Variants in SAMD3 observed in about 807,000 individuals in gnomAD.
The protein encoded by SAMD3 is sterile alpha motif domain-containing protein 3.
In SAMD3, 63 loss-of-function variants were observed where a neutral mutation model predicts 58.5. The observed-to-expected ratio is 1.08, with a 90% CI of 0.88 to 1.33. The LOEUF (loss-of-function observed/expected upper bound fraction) is 1.33. Among genes scored for constraint, SAMD3 ranks in the 40% most tolerant of loss-of-function variants. The pLI is 0.00. For synonymous variants in SAMD3, 220 were observed against 210.3 expected (o/e 1.05, Z -0.40); for missense variants, 604 against 608.4 (o/e 0.99, Z 0.08).
intron 5 of SAMD3, among the ~76,000 whole-genome samples, chr6:130,208,739 A>G (rs1795284975): frequency 6.6e-6 from 1 of 152,044 alleles, no homozygotes; most frequent in African/African-American, 2.4e-5. Context: ...TTATTTTATT[A>G]TATATTAGAA....
intron 2 of SAMD3, among the ~76,000 whole-genome samples, chr6:130,245,747 G>A (rs1387819028): frequency 6.6e-6 from 1 of 152,082 alleles, no homozygotes; most frequent in Non-Finnish European, 1.5e-5. Flanking sequence ...AACAGGGTAG[G>A]GCAAGAATTC....
At chr6:130,229,602 C>G (rs1244801656) in intron 2 of SAMD3, among the ~76,000 whole-genome samples, 1 of 152,102 alleles carries the variant, frequency 6.6e-6, no homozygotes, top group African/African-American at 2.4e-5. Context: ...AAACTGGAGG[C>G]GACTAAACAT....
At chr6:130,201,796 T>G (rs2114789681) in intron 5 of SAMD3, among the ~76,000 whole-genome samples, 2 of 152,358 alleles carry the variant, frequency 1.3e-5, no homozygotes, top group Middle Eastern at 6.8e-3. Context: ...GATAAACCTC[T>G]AATCATCTTT....
At chr6:130,262,307 A>G (rs1431829837) in intron 2 of SAMD3, among the ~76,000 whole-genome samples, 2 of 148,120 alleles carry the variant, frequency 1.4e-5, no homozygotes, top group African/African-American at 5.0e-5. Context: ...GAAAAAAAGT[A>G]AGAAAAAAAA....
At position 130,154,996 on chromosome 6, in the gene SAMD3, T is replaced by C. The variant is rs1789650536; in HGVS notation, c.852A>G (p.Leu284=). The C allele has an allele frequency of 6.2e-7, 1 of 1,613,176 alleles. No homozygotes were observed. Among genetic ancestry groups the C allele is most frequent in the African/African-American group, 1.3e-5 (1 of 74,902 alleles). ...KEEAVCFDSE[L]DEHIKWFQQE... ...GCTGGAACCACTTAATATGTTCATCTAGCTCAGAATCAAAACAAACAGCTT... is the reference window on the plus strand; with the variant it reads ...GCTGGAACCACTTAATATGTTCATCCAGCTCAGAATCAAAACAAACAGCTT... Residue 284 remains leucine (L), a synonymous_variant, in exon 9 of 12, where the codon CTA becomes CTG. Transcript: ENST00000439090.
chr6:130,171,303 G>A (rs1481776828), intron 8 of SAMD3, among the ~76,000 whole-genome samples: 1 of 152,076 alleles, frequency 6.6e-6, no homozygotes, highest in Non-Finnish European at 1.5e-5. Context: ...TTGATTGTGG[G>A]GGATAAACTT....
chr6:130,170,372 T>C (rs1203077644), intron 8 of SAMD3, among the ~76,000 whole-genome samples: 1 of 152,252 alleles, frequency 6.6e-6, no homozygotes, highest in Non-Finnish European at 1.5e-5. Flanking sequence ...GTAAAGGACA[T>C]GAACTCATTC....
At position 130,215,349 on chromosome 6, in the gene SAMD3, A is replaced by AT. The variant is rs34071457; in HGVS notation, c.-21-56dup. 574 of 1,185,514 alleles carry AT rather than the reference A, an allele frequency of 4.8e-4. 1 individual carries two copies. The highest frequency in any genetic ancestry group is 1.8e-3 in the South Asian group (106 of 57,956). The allele number at this position is 1,185,514 out of a possible 1,614,324, so 73.4% of individuals were successfully genotyped here. On this transcript the variant is annotated intron_variant, in intron 2 of 11. Coordinates refer to ENST00000439090, the MANE Select transcript of SAMD3 (RefSeq NM_001017373.4). The stretch of plus-strand genomic sequence containing the variant: ...AGCTTTTCTTTCTGATTGTGCCTTA[A>AT]TTTTTTTTTTAACAGTCAGCCGCTT...
Position 130,343,402 on chromosome 6 carries a change from A to G in SAMD3, c.-304+21718T>C, listed in dbSNP as rs1289905683. On this transcript the variant is annotated intron_variant, in intron 1 of 13. Transcript: ENST00000368134. ...ATGCATGGGTGAGAAATATTTAAAT[A>G]ATAAAAGGCATATCTCTGCAGTATT... Among the ~76,000 whole-genome samples the G allele has an allele frequency of 2.6e-5, 4 of 152,296 alleles. No homozygotes were observed. In the East Asian group the frequency reaches 7.7e-4, roughly 29 times the overall value.
chr6:130,225,127 G>C (rs186782383), upstream of SAMD3, among the ~76,000 whole-genome samples: 1 of 151,310 alleles, frequency 6.6e-6, no homozygotes, highest in Non-Finnish European at 1.5e-5. Flanking sequence ...AGAGGAAAAG[G>C]TTATGTGAAT....
At chr6:130,316,565 C>A (rs1298299144) in intron 1 of SAMD3, among the ~76,000 whole-genome samples, 3 of 152,088 alleles carry the variant, frequency 2.0e-5, no homozygotes, top group Non-Finnish European at 4.4e-5. Flanking sequence ...TTTATGTTAT[C>A]CTTACACCTC....
In SAMD3 at chr6:130,260,409, C is replaced by T. The variant is rs55998056; in HGVS notation, c.-187-37596G>A. On this transcript the variant is annotated intron_variant, in intron 2 of 13. Transcript: ENST00000368134. ...CCACCAGTGCATGCAGCCCCTGTCA[C>T]GTACCTCTTGCTTGCTCAGTTGATC... Among the ~76,000 whole-genome samples the T allele has an allele frequency of 8.5e-3, 1,296 of 152,334 alleles. 10 individuals are homozygous for T. The highest frequency in any genetic ancestry group is 0.012 in the Non-Finnish European group (837 of 68,018).
At chr6:130,259,778 TA>T (rs1174181144) in intron 2 of SAMD3, among the ~76,000 whole-genome samples, 1 of 152,204 alleles carries the variant, frequency 6.6e-6, no homozygotes, top group Non-Finnish European at 1.5e-5. Context: ...AGAGCCTGCC[TA>T]TCCTTTACCC....
intron 2 of SAMD3, among the ~76,000 whole-genome samples, chr6:130,237,087 A>G (rs1396686525): frequency 6.9e-6 from 1 of 144,570 alleles, no homozygotes; most frequent in African/African-American, 2.9e-5. Context: ...ACTACTATGT[A>G]CTACATTAAT....
chr6:130,316,690 T>C (rs766792389), intron 1 of SAMD3, among the ~76,000 whole-genome samples: 33 of 152,168 alleles, frequency 2.2e-4, no homozygotes, highest in Non-Finnish European at 4.6e-4. Context: ...ATTTAGAATT[T>C]TTCAATTTTT....
intron 5 of SAMD3, among the ~76,000 whole-genome samples, chr6:130,207,521 TG>T (rs200648733): frequency 0.014 from 2,092 of 152,272 alleles, 20 homozygotes; most frequent in South Asian, 0.042. Flanking sequence ...TATAGACATG[TG>T]GACTGGCTGC....
intron 1 of SAMD3, among the ~76,000 whole-genome samples, chr6:130,339,983 A>C (rs1466753664): frequency 6.6e-6 from 1 of 152,174 alleles, no homozygotes; most frequent in African/African-American, 2.4e-5. Context: ...TGGGACTCTT[A>C]ATATTGCCAT....
chr6:130,300,759 T>A (rs1177261645), intron 2 of SAMD3, among the ~76,000 whole-genome samples: 1 of 152,206 alleles, frequency 6.6e-6, no homozygotes, highest in Non-Finnish European at 1.5e-5. Flanking sequence ...CTCCTAGACA[T>A]GATAAATGAA....
intron 2 of SAMD3, chr6:130,215,732 G>T: frequency 1.3e-6 from 2 of 1,487,496 alleles, no homozygotes; most frequent in Non-Finnish European, 9.0e-7. Context: ...AAGGGAGGAA[G>T]GATCAGATAA....
Sources: allele counts gnomAD v4.1 joint callset (sites outside exome capture counted in the v4.1 genomes callset), GRCh38; gene constraint gnomAD v4.1.1; transcripts MANE v1.5; gene names NCBI Gene and HGNC (gene_info 2026-07-23, HGNC 2026-07-21).